FSHR: variants seen among roughly 807,000 people sequenced by gnomAD.
FSHR encodes follicle stimulating hormone receptor.
FSHR carries 46 observed loss-of-function variants against 52.1 expected under a neutral mutation model. The observed-to-expected ratio is 0.88, with a 90% CI of 0.70 to 1.13. The LOEUF is 1.13. Ranked by LOEUF, FSHR falls within the 50% of genes most tolerant of loss-of-function variation. The probability of loss-of-function intolerance (pLI) is 0.00; values close to 1 mark genes in which losing one functional copy is unlikely to be tolerated. For missense variants in FSHR, 964 were observed against 834.6 expected (o/e 1.16, Z -1.91); for synonymous variants, 399 against 309.6 (o/e 1.29, Z -3.03).
At chr2:49,015,612 T>G (rs972174591) in intron 4 of FSHR, among the ~76,000 whole-genome samples, 1 of 152,184 alleles carries the variant, frequency 6.6e-6, no homozygotes, top group Non-Finnish European at 1.5e-5. Context: ...ATGCTTTTTC[T>G]GTTGTCACGT....
At chr2:49,005,579 G>C (rs1169308488) in intron 4 of FSHR, among the ~76,000 whole-genome samples, 1 of 152,116 alleles carries the variant, frequency 6.6e-6, no homozygotes, top group Non-Finnish European at 1.5e-5. Context: ...AAGTGCTTAG[G>C]AGGAGGTACT....
chr2:48,962,740 T>G lies in FSHR; in HGVS notation c.2081A>C (p.Gln694Pro). ...ACATTTTCACATTGTGTTTTAGTTT[T>G]GGGCTAAATGACTTAGAGGGACAAG... Reference protein sequence around the residue: ...YILVPLSHLAQN With the variant: ...YILVPLSHLAPN Residue 694 changes from glutamine (Q) to proline (P), a missense_variant, in exon 10 of 10, where the codon CAA (glutamine) becomes CCA (proline). Gln to Pro is a moderately conservative substitution (Grantham distance 76). Coordinates refer to ENST00000406846, the MANE Select transcript of FSHR (RefSeq NM_000145.4). 1 of 1,613,714 alleles carries G rather than the reference T, an allele frequency of 6.2e-7. No individual in the cohort carries two copies.
chr2:49,138,593 C>T (rs955655201), intron 1 of FSHR, among the ~76,000 whole-genome samples: 4 of 151,378 alleles, frequency 2.6e-5, no homozygotes, highest in African/African-American at 9.7e-5. Flanking sequence ...TGAAAGAATA[C>T]AGTAACAAAA....
chr2:49,018,857 C>A (rs1453892792), intron 3 of FSHR, among the ~76,000 whole-genome samples: 1 of 151,856 alleles, frequency 6.6e-6, no homozygotes, highest in African/African-American at 2.4e-5. Flanking sequence ...ACCTGTGTGT[C>A]TATTTGTGTG....
At chr2:48,976,688 T>C (rs745970541) in intron 8 of FSHR, among the ~76,000 whole-genome samples, 33 of 152,306 alleles carry the variant, frequency 2.2e-4, no homozygotes, top group South Asian at 1.7e-3. Context: ...CAGGGATTCA[T>C]CTTCTTCCTG....
In FSHR at chr2:49,148,416, C is replaced by T. The variant is rs1488420100; in HGVS notation, c.152+5850G>A. Among the ~76,000 whole-genome samples, 5 of 151,974 alleles carry T rather than the reference C, an allele frequency of 3.3e-5. No homozygotes were observed. In the South Asian group the frequency reaches 8.3e-4, roughly 25 times the overall value. On this transcript the variant is annotated intron_variant, in intron 1 of 9. Coordinates refer to ENST00000406846, the MANE Select transcript of FSHR (RefSeq NM_000145.4). ...GTAATAATCATCTTTTATAAGAATT[C>T]TTTATTCAATACTGAGGAGCAGAGC...
intron 2 of FSHR, among the ~76,000 whole-genome samples, chr2:49,058,338 G>T (rs1178816056): frequency 6.6e-6 from 1 of 152,144 alleles, no homozygotes; most frequent in African/African-American, 2.4e-5. Flanking sequence ...CACGAGGTCA[G>T]GAGATTGAGA....
Position 49,033,951 on chromosome 2 carries a change from A to G in FSHR, c.225-13791T>C, listed in dbSNP as rs553530683. Among the ~76,000 whole-genome samples, 27 of 152,266 alleles carry G rather than the reference A, an allele frequency of 1.8e-4. No homozygotes were observed. In the South Asian group the frequency reaches 5.4e-3, roughly 30 times the overall value. On this transcript the variant is annotated intron_variant, in intron 2 of 9. Coordinates refer to ENST00000406846, the MANE Select transcript of FSHR (RefSeq NM_000145.4). Reference sequence around the variant, plus strand: ...TGATTTTATAGCAGGCTGGATATCAATGGGCTTTAGGTCCTCAGCCACTGA... The same window carrying G: ...TGATTTTATAGCAGGCTGGATATCAGTGGGCTTTAGGTCCTCAGCCACTGA...
chr2:49,093,841 T>C lies in FSHR; in HGVS notation c.153-25551A>G, dbSNP rs113550413. 9.1e-3 allele frequency among the ~76,000 whole-genome samples: 1,385 copies of C among 152,084 alleles called. 23 individuals carry two copies. The highest frequency in any genetic ancestry group is 0.034 in the Middle Eastern group (10 of 294). Reference sequence around the variant, plus strand: ...CGAACTCCTGACCTCAGATGATCCATCCACCTTGGCCTTCCAAATTGCTAG... The same window carrying C: ...CGAACTCCTGACCTCAGATGATCCACCCACCTTGGCCTTCCAAATTGCTAG... On this transcript the variant is annotated intron_variant, in intron 1 of 9. Transcript: ENST00000406846.
chr2:49,151,968 A>G (rs754963066), intron 1 of FSHR, among the ~76,000 whole-genome samples: 1 of 152,178 alleles, frequency 6.6e-6, no homozygotes, highest in Non-Finnish European at 1.5e-5. Context: ...TAGACAAAGC[A>G]ACATTTCTCT....
chr2:48,994,509 T>C (rs1438148103), intron 4 of FSHR, among the ~76,000 whole-genome samples: 2 of 152,256 alleles, frequency 1.3e-5, no homozygotes, highest in Non-Finnish European at 2.9e-5. Flanking sequence ...TCTAGTGAGA[T>C]GGATTATTGG....
chr2:48,989,088 A>T (rs201536233), intron 5 of FSHR, 34 bp from the exon 6 acceptor site: 11 of 1,558,786 alleles, frequency 7.1e-6, no homozygotes, highest in Non-Finnish European at 8.8e-7. Flanking sequence ...AGATACTTAC[A>T]TCAGCTCTAC....
At chr2:49,115,882 T>A (rs1303958201) in intron 1 of FSHR, among the ~76,000 whole-genome samples, 1 of 152,126 alleles carries the variant, frequency 6.6e-6, no homozygotes, top group Non-Finnish European at 1.5e-5. Context: ...TGGTGTGATA[T>A]GTGCATGACA....
chr2:49,073,619 C>A lies in FSHR; in HGVS notation c.153-5329G>T, dbSNP rs116256670. Among the ~76,000 whole-genome samples the A allele has an allele frequency of 9.3e-3, 1,411 of 152,096 alleles. 23 individuals are homozygous for A. The highest frequency in any genetic ancestry group is 0.033 in the African/African-American group (1,358 of 41,528). ...TAATATTGTTAAAATGACTATACCA[C>A]CCAAAGCAATCTACAGATTCAATGC... On this transcript the variant is annotated intron_variant, in intron 1 of 9. Coordinates refer to ENST00000406846, the MANE Select transcript of FSHR (RefSeq NM_000145.4).
intron 9 of FSHR, among the ~76,000 whole-genome samples, chr2:48,967,205 C>T (rs1016611753): frequency 1.3e-5 from 2 of 152,128 alleles, no homozygotes; most frequent in Non-Finnish European, 2.9e-5. Context: ...AAGTAATCCT[C>T]CCACTTTAGC....
chr2:49,052,711 C>A (rs763877921), intron 2 of FSHR, among the ~76,000 whole-genome samples: 2 of 152,126 alleles, frequency 1.3e-5, no homozygotes, highest in African/African-American at 2.4e-5. Context: ...CCAGTAGAAT[C>A]ATCAGCCTCT....
At chr2:49,117,234 C>A (rs986617813) in intron 1 of FSHR, among the ~76,000 whole-genome samples, 1 of 152,224 alleles carries the variant, frequency 6.6e-6, no homozygotes, top group Admixed American at 6.5e-5. Context: ...CCCTTCCAGA[C>A]TTCTCAGCTG....
intron 1 of FSHR, among the ~76,000 whole-genome samples, chr2:49,141,706 A>G (rs998983649): frequency 6.6e-6 from 1 of 152,138 alleles, no homozygotes; most frequent in Non-Finnish European, 1.5e-5. Flanking sequence ...TATATGGGAG[A>G]CAAAATAATA....
intron 1 of FSHR, among the ~76,000 whole-genome samples, chr2:49,116,199 A>T (rs920249455): frequency 6.6e-6 from 1 of 152,178 alleles, no homozygotes. Context: ...TTATTAAGCC[A>T]TATTGGGAAA....
Sources: gnomAD v4.1 joint callset for allele counts (sites outside exome capture counted in the v4.1 genomes callset) on GRCh38, gnomAD v4.1.1 for gene constraint, MANE v1.5 for transcripts, NCBI Gene and HGNC (gene_info 2026-07-23, HGNC 2026-07-21) for gene names.